Variants in LARP4B observed in about 807,000 individuals in gnomAD.
LARP4B encodes the protein la-related protein 4B.
A neutral mutation model predicts 89.8 loss-of-function variants in LARP4B; 12 were observed. The observed-to-expected ratio is 0.13, with a 90% CI of 0.09 to 0.22. The LOEUF is 0.22. Among genes scored for constraint, LARP4B ranks in the 10% least tolerant of loss-of-function variants. The pLI, the probability that LARP4B is intolerant of heterozygous loss-of-function variation, is 1.00. For missense variants in LARP4B, 757 were observed against 947.7 expected, an observed-to-expected ratio of 0.80 and a Z score of 2.64; for synonymous variants, 367 against 363.3, an observed-to-expected ratio of 1.01 and a Z score of -0.12.
At chr10:815,096 CA>C in intron 15 of LARP4B, 26 bp from the exon 16 acceptor site, 1 of 1,529,878 alleles carries the variant, frequency 6.5e-7, no homozygotes, top group Non-Finnish European at 8.8e-7. Flanking sequence ...GAGTGTTCAT[CA>C]GAGTCCTGCC....
chr10:966,847 G>A, the LARP4B span, among the ~76,000 whole-genome samples: 1 of 152,042 alleles, frequency 6.6e-6, no homozygotes, highest in Non-Finnish European at 1.5e-5. Flanking sequence ...CACTGTGGCT[G>A]ATGCCTGGAG....
chr10:938,132 C>A, the LARP4B span, among the ~76,000 whole-genome samples: 1 of 152,168 alleles, frequency 6.6e-6, no homozygotes, highest in Non-Finnish European at 1.5e-5. Flanking sequence ...GATCTGCCTG[C>A]CTCAGCCTCC....
chr10:946,273 TTC>T, the LARP4B span, among the ~76,000 whole-genome samples: 1 of 152,212 alleles, frequency 6.6e-6, no homozygotes, highest in South Asian at 2.1e-4. Flanking sequence ...ACATTTTGCA[TTC>T]TGTCTGAAAA....
rs1481679922 is a variant in LARP4B, at chr10:899,133, TTC to T, written c.-39-13375_-39-13374del. ...TGGTACTTAAATATAAGCTAAATAT[TTC>T]TCTTTTTATACAACAAAAACAGTGA... On this transcript the variant is annotated intron_variant, in intron 1 of 17. Transcript: ENST00000316157. Among the ~76,000 whole-genome samples the T allele has an allele frequency of 1.1e-4, 16 of 152,342 alleles. No individual in the cohort carries two copies. The East Asian group carries it at 2.1e-3, about 20-fold the overall frequency.
In LARP4B at chr10:813,011, C is replaced by T. The variant is rs1267649166; in HGVS notation, c.2132G>A (p.Arg711Gln). 2.1e-5 allele frequency: 34 copies of T among 1,594,120 alleles called. No individual in the cohort carries two copies. The highest frequency in any genetic ancestry group is 1.9e-4 in the Middle Eastern group (1 of 5,352). The change falls in exon 18 of 18, where the codon CGG becomes CAG. Residue 711 changes from arginine to glutamine, a missense_variant. Physicochemically the swap from Arg to Gln is conservative, Grantham distance 43. Transcript: ENST00000316157. ...GGGCGAGGGCCGGCCCCCCGCCGGC[C>T]GCCTCTGGTCTCTGGGGGCTCCAGG... ...STPGAPRDQR[R>Q]PAGGRPSPSA...
intron 3 of LARP4B, among the ~76,000 whole-genome samples, chr10:865,473 C>G (rs1405373059): frequency 6.6e-6 from 1 of 152,204 alleles, no homozygotes; most frequent in Non-Finnish European, 1.5e-5. Flanking sequence ...CCTGTGCTCA[C>G]TGCTCCCTGG....
chr10:831,515 A>T (rs1035952935), intron 8 of LARP4B, among the ~76,000 whole-genome samples: 7 of 152,226 alleles, frequency 4.6e-5, no homozygotes, highest in Admixed American at 3.3e-4. Context: ...CCGGCAGGGT[A>T]AGCCTGCAGA....
At chr10:888,337 CAA>C (rs547831151) in intron 1 of LARP4B, among the ~76,000 whole-genome samples, 6 of 123,822 alleles carry the variant, frequency 4.8e-5, no homozygotes, top group Admixed American at 3.3e-4. Flanking sequence ...AACAAACAAA[CAA>C]AAAAAAAAAA....
chr10:944,204 G>A, the LARP4B span, among the ~76,000 whole-genome samples: 9 of 152,262 alleles, frequency 5.9e-5, no homozygotes, highest in South Asian at 6.2e-4. Context: ...ACCAACCTCC[G>A]AACAGTGGCT....
In LARP4B at chr10:909,075, A is replaced by C. The variant is rs567520389; in HGVS notation, c.-40+22353T>G. On this transcript the variant is annotated intron_variant, in intron 1 of 17. Coordinates refer to ENST00000316157, the MANE Select transcript of LARP4B (RefSeq NM_015155.3). ...TTTGGGAGGCTGAGGCGGGCAGATC[A>C]CAAGGTCAGGAGATCAAGATCATCC... Among the ~76,000 whole-genome samples the C allele has an allele frequency of 9.2e-5, 14 of 152,270 alleles. No homozygotes were observed. In the South Asian group the frequency reaches 1.0e-3, roughly 11 times the overall value.
intron 1 of LARP4B, among the ~76,000 whole-genome samples, chr10:897,203 G>C (rs777645002): frequency 1.3e-5 from 2 of 152,100 alleles, no homozygotes; most frequent in African/African-American, 4.8e-5. Flanking sequence ...CAATAGAAAC[G>C]AGAGTCCAGA....
the LARP4B span, among the ~76,000 whole-genome samples, chr10:984,859 G>A: frequency 6.6e-6 from 1 of 152,158 alleles, no homozygotes; most frequent in African/African-American, 2.4e-5. Context: ...TTAAACCTGG[G>A]AGGTGGAGGT....
the LARP4B span, chr10:988,257 C>T: frequency 2.1e-5 from 12 of 560,954 alleles, no homozygotes; most frequent in Non-Finnish European, 3.2e-5. Context: ...GCGTCCTCTC[C>T]TCTGTACCCT....
chr10:907,010 T>C (rs562189210), intron 1 of LARP4B, among the ~76,000 whole-genome samples: 1 of 152,312 alleles, frequency 6.6e-6, no homozygotes, highest in African/African-American at 2.4e-5. Context: ...TGCACCAGGA[T>C]AAAGTGAAAA....
chr10:964,793 C>T, the LARP4B span, among the ~76,000 whole-genome samples: 3 of 152,106 alleles, frequency 2.0e-5, no homozygotes, highest in Admixed American at 6.5e-5. Flanking sequence ...GCCGGGGCTG[C>T]GGGGAGAGAG....
intron 14 of LARP4B, 87 bp from the exon 15 acceptor site, chr10:817,976 G>C: frequency 7.6e-7 from 1 of 1,324,066 alleles, no homozygotes; most frequent in Non-Finnish European, 1.0e-6. Context: ...GAAAATATCT[G>C]TAGAAACAAG....
At position 886,431 on chromosome 10, in the gene LARP4B, A is replaced by G. The variant is rs574676815; in HGVS notation, c.-39-671T>C. 1.1e-4 allele frequency among the ~76,000 whole-genome samples: 17 copies of G among 152,346 alleles called. No individual in the cohort carries two copies. In the South Asian group the frequency reaches 3.3e-3, roughly 30 times the overall value. On this transcript the variant is annotated intron_variant, in intron 1 of 17. Transcript: ENST00000316157. Reference sequence around the variant, plus strand: ...TCAAAAATTTGAAAATAGAACTACCATATTATCCTTTCTGAGTATTTATCC... The same window carrying G: ...TCAAAAATTTGAAAATAGAACTACCGTATTATCCTTTCTGAGTATTTATCC...
upstream of LARP4B, among the ~76,000 whole-genome samples, chr10:936,455 C>T (rs1025374089): frequency 1.3e-5 from 2 of 152,130 alleles, no homozygotes. Context: ...CACAGTAGCT[C>T]AAACCTATAA....
intron 1 of LARP4B, among the ~76,000 whole-genome samples, chr10:911,796 G>A (rs1225499319): frequency 2.6e-5 from 4 of 152,106 alleles, no homozygotes; most frequent in Non-Finnish European, 4.4e-5. Context: ...CGTGGTTTTC[G>A]GGGGCTTTCG....
Sources: allele counts gnomAD v4.1 joint callset (sites outside exome capture counted in the v4.1 genomes callset), GRCh38; gene constraint gnomAD v4.1.1; transcripts MANE v1.5; gene names NCBI Gene and HGNC (gene_info 2026-07-23, HGNC 2026-07-21).